Variants in USP4 observed in about 807,000 individuals in gnomAD.
USP4 encodes the protein ubiquitin specific peptidase 4, also known as ubiquitin carboxyl-terminal hydrolase 4.
USP4 carries 72 observed loss-of-function variants against 118.2 expected under a neutral mutation model. The ratio of observed to expected loss-of-function variants is 0.61; its 90% CI spans 0.50 to 0.74. The LOEUF is 0.74. Ranked by LOEUF, USP4 falls within the 30% of genes least tolerant of loss-of-function variation. USP4 has a pLI of 0.00. For synonymous variants in USP4, 415 were observed against 440.4 expected, an observed-to-expected ratio of 0.94 and a Z score of 0.72; for missense variants, 1,037 against 1,185.7, an observed-to-expected ratio of 0.87 and a Z score of 1.84.
chr3:49,280,890 C>T, intron 19 of USP4, 43 bp from the exon 20 acceptor site: 1 of 1,568,394 alleles, frequency 6.4e-7, no homozygotes, highest in Non-Finnish European at 8.8e-7. Context: ...ATGTTAAACC[C>T]AAACAAAGTA....
intron 1 of USP4, 132 bp from the exon 2 acceptor site, chr3:49,335,728 A>G: frequency 9.9e-7 from 1 of 1,006,836 alleles, no homozygotes; most frequent in Non-Finnish European, 1.5e-6. Flanking sequence ...CTGTCACAAG[A>G]GCAAGAGCAG....
In USP4 at chr3:49,280,813, A is replaced by T; in HGVS notation, c.2575T>A (p.Ser859Thr). 1 of 1,614,186 alleles carries T rather than the reference A, an allele frequency of 6.2e-7. No homozygotes were observed. The highest frequency in any genetic ancestry group is 8.5e-7 in the Non-Finnish European group (1 of 1,180,012). ...AGGTCGTACACATAAGGCCTTGCTGACAGGTTACAGACAAACTCGGACATG... is the reference window on the plus strand; with the variant it reads ...AGGTCGTACACATAAGGCCTTGCTGTCAGGTTACAGACAAACTCGGACATG... ...LNMSEFVCNL[S>T]ARPYVYDLIA... The change falls in exon 20 of 22, where the codon TCA (serine) becomes ACA (threonine). Residue 859 changes from serine to threonine, a missense_variant. Ser to Thr is a moderately conservative substitution (Grantham distance 58, BLOSUM62 1). Coordinates refer to ENST00000265560, the MANE Select transcript of USP4 (RefSeq NM_003363.4).
intron 8 of USP4, among the ~76,000 whole-genome samples, chr3:49,306,802 G>C (rs1260767158): frequency 6.6e-6 from 1 of 151,820 alleles, no homozygotes; most frequent in Non-Finnish European, 1.5e-5. Context: ...TGTTTTGTTT[G>C]AGACAGAGTT....
rs2047068827 is a variant in USP4, at chr3:49,284,114, G to A, written c.2413C>T (p.His805Tyr). ...DPWYCPNCKKHQQATKKFDLW... is the reference protein window; with the variant it reads ...DPWYCPNCKKYQQATKKFDLW... ...TCAAACTTTTTTGTGGCCTGTTGAT[G>A]CTTCTTACAGTTGGGACAGTACCTA... Residue 805 changes from histidine to tyrosine, a missense_variant, in exon 19 of 22, where the codon CAT (histidine) becomes TAT (tyrosine). Physicochemically the swap from His to Tyr is moderately conservative, Grantham distance 83. Around this residue, in one of 3 missense-constraint regions of USP4, gnomAD observed 522 missense variants for 592.6 expected, o/e 0.88. Transcript: ENST00000265560. 2 of 1,614,214 alleles carry A rather than the reference G, an allele frequency of 1.2e-6. No homozygotes were observed. Among genetic ancestry groups the A allele is most frequent in the Non-Finnish European group, 1.7e-6 (2 of 1,180,040 alleles).
chr3:49,303,517 A>G (rs1476844736), intron 9 of USP4, among the ~76,000 whole-genome samples: 1 of 151,262 alleles, frequency 6.6e-6, no homozygotes, highest in Non-Finnish European at 1.5e-5. Context: ...CTAGCCACAT[A>G]TGGCAATTGA....
chr3:49,323,843 C>T (rs1407050761), intron 6 of USP4, among the ~76,000 whole-genome samples: 1 of 152,184 alleles, frequency 6.6e-6, no homozygotes, highest in East Asian at 1.9e-4. Context: ...TCCCTAAGAA[C>T]ATGCACAGTT....
At chr3:49,304,722 G>A (rs556582970) in intron 9 of USP4, among the ~76,000 whole-genome samples, 7 of 152,104 alleles carry the variant, frequency 4.6e-5, no homozygotes, top group East Asian at 3.9e-4. Context: ...CCTGGTAGCC[G>A]GGACTACAGG....
At chr3:49,310,295 G>C (rs1300509936) in intron 8 of USP4, among the ~76,000 whole-genome samples, 3 of 152,182 alleles carry the variant, frequency 2.0e-5, no homozygotes, top group African/African-American at 7.2e-5. Flanking sequence ...ATCACCTGCT[G>C]TAAGTTTTCC....
In USP4 at chr3:49,302,314, A is replaced by C. The variant is rs963057569; in HGVS notation, c.1287+70T>G. On this transcript the variant is annotated intron_variant, in intron 10 of 21. Coordinates refer to ENST00000265560, the MANE Select transcript of USP4 (RefSeq NM_003363.4). ...GCAACAACACTCAAAGACCAGAAGA[A>C]TATCCCTGCACTCTCAATAGGAGGC... The C allele has an allele frequency of 1.4e-5, 21 of 1,538,554 alleles. 1 individual carries two copies. The highest frequency in any genetic ancestry group is 3.9e-5 in the Admixed American group (2 of 51,232).
chr3:49,297,506 C>T (rs561258775), intron 13 of USP4, among the ~76,000 whole-genome samples: 10 of 152,174 alleles, frequency 6.6e-5, no homozygotes, highest in Non-Finnish European at 1.2e-4. Context: ...AAGATCCTTC[C>T]GTACCACACC....
At chr3:49,330,203 A>C (rs985133795) in intron 2 of USP4, among the ~76,000 whole-genome samples, 8 of 122,662 alleles carry the variant, frequency 6.5e-5, no homozygotes, top group Admixed American at 1.6e-4. Context: ...AACAAACAAA[A>C]AAAGTTGAAA....
chr3:49,284,113 T>C lies in USP4; in HGVS notation c.2414A>G (p.His805Arg). The C allele has an allele frequency of 6.2e-7, 1 of 1,614,234 alleles. No homozygotes were observed. Among genetic ancestry groups the C allele is most frequent in the Non-Finnish European group, 8.5e-7 (1 of 1,180,050 alleles). Reference protein sequence around the residue: ...DPWYCPNCKKHQQATKKFDLW... With the variant: ...DPWYCPNCKKRQQATKKFDLW... ...GTCAAACTTTTTTGTGGCCTGTTGA[T>C]GCTTCTTACAGTTGGGACAGTACCT... Residue 805 changes from histidine to arginine, a missense_variant, in exon 19 of 22, where the codon CAT (histidine) becomes CGT (arginine). His to Arg is a conservative substitution (Grantham distance 29). Around this residue, in one of 3 missense-constraint regions of USP4, gnomAD observed 522 missense variants for 592.6 expected, o/e 0.88. Coordinates refer to ENST00000265560, the MANE Select transcript of USP4 (RefSeq NM_003363.4).
intron 6 of USP4, among the ~76,000 whole-genome samples, chr3:49,321,161 T>C (rs550471832): frequency 2.0e-5 from 3 of 152,266 alleles, no homozygotes; most frequent in Non-Finnish European, 2.9e-5. Flanking sequence ...TCTTGCTTAA[T>C]ACGCTAATTT....
chr3:49,329,407 T>G (rs796767218), intron 2 of USP4, among the ~76,000 whole-genome samples: 2 of 152,030 alleles, frequency 1.3e-5, no homozygotes, highest in Non-Finnish European at 2.9e-5. Flanking sequence ...TGTGTGTGTG[T>G]GGGCAGGTGG....
chr3:49,327,572 G>T, intron 3 of USP4, 114 bp downstream of exon 3: 2 of 1,135,766 alleles, frequency 1.8e-6, no homozygotes, highest in Non-Finnish European at 2.5e-6. Flanking sequence ...AAGGCCTCAA[G>T]CACCACTATT....
chr3:49,291,539 G>A (rs1248924969), intron 15 of USP4, among the ~76,000 whole-genome samples: 5 of 144,862 alleles, frequency 3.5e-5, no homozygotes, highest in African/African-American at 5.1e-5. Context: ...GCGCCACTGC[G>A]CTCCTGCATG....
In USP4 at chr3:49,292,588, T is replaced by A. The variant is rs1227455050; in HGVS notation, c.1894A>T (p.Lys632Ter). The A allele has an allele frequency of 6.3e-7, 1 of 1,588,042 alleles. No individual in the cohort carries two copies. Among genetic ancestry groups the A allele is most frequent in the Admixed American group, 1.8e-5 (1 of 55,028 alleles). ...AVCDRISRYV[K>*]QPLPDEFGSS... ...CCAAACTCATCAGGTAAAGGCTGTT[T>A]CACATAGCGGCTTCAAAAAGAGAAA... is the stretch of plus-strand genomic sequence containing the variant. Residue 632 changes from lysine to a stop codon, truncating the protein, a stop_gained, in exon 15 of 22, where the codon AAA becomes TAA. Transcript: ENST00000265560. LOFTEE classifies it high-confidence loss of function.
At chr3:49,297,459 C>T (rs1252826120) in intron 13 of USP4, among the ~76,000 whole-genome samples, 1 of 152,212 alleles carries the variant, frequency 6.6e-6, no homozygotes, top group African/African-American at 2.4e-5. Flanking sequence ...TATCATGGTA[C>T]TCGCTGAGAA....
intron 8 of USP4, among the ~76,000 whole-genome samples, chr3:49,309,595 A>G (rs539225729): frequency 4.7e-4 from 66 of 140,430 alleles, no homozygotes; most frequent in African/African-American, 1.7e-3. Flanking sequence ...GATTTTCTCT[A>G]GTAAGGAGCA....
Sources: allele counts gnomAD v4.1 joint callset (sites outside exome capture counted in the v4.1 genomes callset), GRCh38; gene constraint gnomAD v4.1.1; regional missense constraint gnomAD v4.1.1; transcripts MANE v1.5; gene names NCBI Gene and HGNC (gene_info 2026-07-23, HGNC 2026-07-21).